Variants in ZNF133 observed in about 807,000 individuals in gnomAD.
ZNF133 encodes the protein zinc finger protein 133 (clone pHZ-13).
In ZNF133, 26 loss-of-function variants were observed where a neutral mutation model predicts 54.9. That is an observed-to-expected ratio of 0.47 (90% CI 0.35 to 0.66). The LOEUF (loss-of-function observed/expected upper bound fraction) is 0.66, where lower values mean the gene tolerates loss of function less well. Ranked by LOEUF, ZNF133 falls within the 30% of genes least tolerant of loss-of-function variation. The probability of loss-of-function intolerance (pLI) is 0.01; values close to 1 mark genes in which losing one functional copy is unlikely to be tolerated. For synonymous variants in ZNF133, 298 were observed against 320.3 expected, an observed-to-expected ratio of 0.93 and a Z score of 0.74; for missense variants, 653 against 820.8, an observed-to-expected ratio of 0.80 and a Z score of 2.50.
In ZNF133 at chr20:18,316,654, G is replaced by A. The variant is rs753937528; in HGVS notation, c.1803G>A (p.Thr601=). ...TCACCTTACATCAAATGACACATAC[G>A]GGGGAGAAGCCATATGTGTGCAAGA... ...SHLTLHQMTH[T]GEKPYVCKTC... is the part of the protein sequence containing the mutation. The change falls in exon 7 of 7, where the codon ACG becomes ACA. Residue 601 remains threonine (T), a synonymous_variant. Coordinates refer to ENST00000425686, the MANE Select transcript of ZNF133 (RefSeq NM_001352452.2). The A allele has an allele frequency of 1.1e-5, 17 of 1,612,106 alleles. No homozygotes were observed. The highest frequency in any genetic ancestry group is 2.2e-5 in the East Asian group (1 of 44,720).
At position 18,315,702 on chromosome 20, in the gene ZNF133, C is replaced by T. The variant is rs751585322; in HGVS notation, c.851C>T (p.Thr284Met). 7.4e-6 allele frequency: 12 copies of T among 1,613,486 alleles called. No homozygotes were observed. The highest frequency in any genetic ancestry group is 1.3e-5 in the African/African-American group (1 of 74,838). ...ECGRGFNRKSTLIIHERTHSG... is the reference protein window; with the variant it reads ...ECGRGFNRKSMLIIHERTHSG... ...GGACGAGGCTTTAACCGGAAGTCAA[C>T]GCTAATCATACACGAACGGACACAC... The change falls in exon 7 of 7, where the codon ACG becomes ATG. Residue 284 changes from threonine to methionine, a missense_variant. Physicochemically the swap from Thr to Met is moderately conservative, Grantham distance 81. Transcript: ENST00000425686.
rs2147944506 is a variant in ZNF133, at chr20:18,315,411, A to C, written c.560A>C (p.Glu187Ala). The C allele has an allele frequency of 6.2e-7, 1 of 1,614,114 alleles. No homozygotes were observed. The highest frequency in any genetic ancestry group is 8.5e-7 in the Non-Finnish European group (1 of 1,179,972). ...AACGGCCTCAGAGGGGTGGAGTTAG[A>C]AGCCAGCCCAGCTCAGTCAGGGAAC... ...SRNGLRGVEL[E>A]ASPAQSGNPE... Residue 187 changes from glutamate to alanine, a missense_variant, in exon 7 of 7, where the codon GAA (glutamate) becomes GCA (alanine). Glu to Ala is a moderately radical substitution (Grantham distance 107). This residue lies in a region of ZNF133 where 227 missense variants were observed against 233.9 expected (regional missense o/e 0.97). Coordinates refer to ENST00000425686, the MANE Select transcript of ZNF133 (RefSeq NM_001352452.2).
In ZNF133 at chr20:18,298,041, G is replaced by A; in HGVS notation, c.-375G>A. On this transcript the variant is annotated 5_prime_UTR_variant, in exon 2 of 7. Coordinates refer to ENST00000425686, the MANE Select transcript of ZNF133 (RefSeq NM_001352452.2). The stretch of plus-strand genomic sequence containing the variant: ...GGAGATAAGGAAAAAAAGCCACAGG[G>A]TCCCGGAGAGCCAGGGGAATGGTGA... The A allele has an allele frequency of 1.3e-6, 2 of 1,535,436 alleles. No individual in the cohort carries two copies. Among genetic ancestry groups the A allele is most frequent in the Non-Finnish European group, 1.7e-6 (2 of 1,146,790 alleles).
At chr20:18,309,278 A>G (rs1218534838) in intron 6 of ZNF133, among the ~76,000 whole-genome samples, 1 of 152,230 alleles carries the variant, frequency 6.6e-6, no homozygotes, top group African/African-American at 2.4e-5. Context: ...CCATAACAGC[A>G]TCCTTGTGAG....
At chr20:18,306,088 G>T (rs1237385458) in intron 5 of ZNF133, among the ~76,000 whole-genome samples, 2 of 152,070 alleles carry the variant, frequency 1.3e-5, no homozygotes, top group African/African-American at 4.8e-5. Flanking sequence ...AATGAGAGGG[G>T]TGTTCATCTA....
In ZNF133 at chr20:18,315,325, C is replaced by G. The variant is rs368787736; in HGVS notation, c.474C>G (p.Thr158=). 2.5e-6 allele frequency: 4 copies of G among 1,613,886 alleles called. No homozygotes were observed. In the African/African-American group the frequency reaches 4.0e-5, roughly 16 times the overall value. Residue 158 remains threonine (T), a synonymous_variant, in exon 7 of 7, where the codon ACC becomes ACG. Transcript: ENST00000425686. ...GTGCCATGCCTTTGTTTGGAAGAACCAAGAAAAGGACTCTGGGAGCGTTCT... is the reference window on the plus strand; with the variant it reads ...GTGCCATGCCTTTGTTTGGAAGAACGAAGAAAAGGACTCTGGGAGCGTTCT... ...GEGAMPLFGR[T]KKRTLGAFSR...
chr20:18,302,099 A>C (rs1010935841), intron 3 of ZNF133, among the ~76,000 whole-genome samples: 6 of 152,186 alleles, frequency 3.9e-5, no homozygotes, highest in African/African-American at 1.4e-4. Context: ...TGTTCAACAT[A>C]CAAAAATAAA....
At chr20:18,308,927 C>A (rs895042374) in intron 6 of ZNF133, among the ~76,000 whole-genome samples, 2 of 152,220 alleles carry the variant, frequency 1.3e-5, no homozygotes, top group Non-Finnish European at 2.9e-5. Flanking sequence ...TGACAAAATA[C>A]TGTGGACTAG....
At chr20:18,306,483 G>A in intron 6 of ZNF133, 90 bp downstream of exon 6, 2 of 1,326,476 alleles carry the variant, frequency 1.5e-6, no homozygotes, top group East Asian at 2.5e-5. Context: ...GCTGGGGAGG[G>A]AAGCTGTTCC....
rs552905711 is a variant in ZNF133 at position 18,306,388 on chromosome 20, G to C, written c.212G>C (p.Cys71Ser). The C allele has an allele frequency of 4.3e-6, 7 of 1,612,860 alleles. No homozygotes were observed. The African/African-American group carries it at 6.7e-5, about 15-fold the overall frequency. The change falls in exon 6 of 7, where the codon TGT (cysteine) becomes TCT (serine). Residue 71 changes from cysteine to serine, a missense_variant. Cys to Ser is a moderately radical substitution (Grantham distance 112). Around this residue, in one of 4 missense-constraint regions of ZNF133, gnomAD observed 227 missense variants for 233.9 expected, o/e 0.97. Coordinates refer to ENST00000425686, the MANE Select transcript of ZNF133 (RefSeq NM_001352452.2). ...REEKKCSPATCPADPEPELYL... is the reference protein window; with the variant it reads ...REEKKCSPATSPADPEPELYL... ...GAAAAAAAATGTTCACCGGCAACCT[G>C]TCCAGGTGAGTGGGAAAACACTGGA...
At chr20:18,293,615 G>A (rs2041566969) in intron 1 of ZNF133, among the ~76,000 whole-genome samples, 3 of 152,204 alleles carry the variant, frequency 2.0e-5, no homozygotes, top group Admixed American at 2.0e-4. Flanking sequence ...AATATAAACA[G>A]TGATACTATT....
At chr20:18,310,870 AC>A (rs2045743891) in intron 6 of ZNF133, among the ~76,000 whole-genome samples, 1 of 152,254 alleles carries the variant, frequency 6.6e-6, no homozygotes, top group South Asian at 2.1e-4. Flanking sequence ...ATGAATATAT[AC>A]ATTTTTTGTC....
intron 1 of ZNF133, among the ~76,000 whole-genome samples, chr20:18,296,848 G>A (rs2147067619): frequency 6.6e-6 from 1 of 152,290 alleles, no homozygotes; most frequent in South Asian, 2.1e-4. Flanking sequence ...CACCATACTG[G>A]TTTGAGGGTA....
intron 1 of ZNF133, among the ~76,000 whole-genome samples, chr20:18,293,994 T>C (rs2041688521): frequency 6.6e-6 from 1 of 152,188 alleles, no homozygotes; most frequent in African/African-American, 2.4e-5. Flanking sequence ...CACAGATATA[T>C]GCTAAAATTA....
chr20:18,302,570 C>G (rs182374247), intron 3 of ZNF133, among the ~76,000 whole-genome samples: 1 of 152,210 alleles, frequency 6.6e-6, no homozygotes, highest in Admixed American at 6.5e-5. Context: ...AGGCCATATG[C>G]AAAAATCTCA....
At chr20:18,303,207 G>A (rs1216010400) in intron 3 of ZNF133, among the ~76,000 whole-genome samples, 7 of 151,998 alleles carry the variant, frequency 4.6e-5, no homozygotes, top group African/African-American at 1.7e-4. Flanking sequence ...CACCACACCT[G>A]GCTAATTTTT....
At chr20:18,304,820 C>G (rs965415446) in intron 3 of ZNF133, among the ~76,000 whole-genome samples, 188 bp from the exon 4 acceptor site, 4 of 152,074 alleles carry the variant, frequency 2.6e-5, no homozygotes, top group African/African-American at 9.7e-5. Flanking sequence ...GGCTTTTATT[C>G]CTCCTAGGGG....
rs368522460 is a variant in ZNF133 at position 18,315,090 on chromosome 20, A to T, written c.239A>T (p.Tyr80Phe). 1.9e-6 allele frequency: 3 copies of T among 1,545,388 alleles called. No individual in the cohort carries two copies. The highest frequency in any genetic ancestry group is 2.6e-6 in the Non-Finnish European group (3 of 1,146,642). The change falls in exon 7 of 7, where the codon TAC becomes TTC. Residue 80 changes from tyrosine to phenylalanine, a missense_variant. Around this residue, in one of 4 missense-constraint regions of ZNF133, gnomAD observed 227 missense variants for 233.9 expected, o/e 0.97. Transcript: ENST00000425686. ...TCPADPEPEL[Y>F]LDPFCPPGFS... Reference sequence around the variant, plus strand: ...GCAGCAGATCCAGAGCCAGAGCTCTACCTCGATCCTTTCTGCCCTCCGGGT... The same window carrying T: ...GCAGCAGATCCAGAGCCAGAGCTCTTCCTCGATCCTTTCTGCCCTCCGGGT...
At position 18,315,758 on chromosome 20, in the gene ZNF133, T is replaced by C; in HGVS notation, c.907T>C (p.Cys303Arg). The change falls in exon 7 of 7, where the codon TGT (cysteine) becomes CGT (arginine). Residue 303 changes from cysteine (C) to arginine (R), a missense_variant. Coordinates refer to ENST00000425686, the MANE Select transcript of ZNF133 (RefSeq NM_001352452.2). ...TGAGAAACCTTACATGTGCAGTGAG[T>C]GTGGGCGAGGCTTCAGCCAGAAGTC... ...SGEKPYMCSE[C>R]GRGFSQKSNL... 1 of 1,614,044 alleles carries C rather than the reference T, an allele frequency of 6.2e-7. No individual in the cohort carries two copies. Among genetic ancestry groups the C allele is most frequent in the Non-Finnish European group, 8.5e-7 (1 of 1,179,990 alleles).
Sources: allele counts gnomAD v4.1 joint callset (sites outside exome capture counted in the v4.1 genomes callset), GRCh38; gene constraint gnomAD v4.1.1; regional missense constraint gnomAD v4.1.1; transcripts MANE v1.5; gene names NCBI Gene and HGNC (gene_info 2026-07-23, HGNC 2026-07-21).